The following STX3 variants were observed in gnomAD, a reference collection of about 807,000 sequenced individuals.
The protein encoded by STX3 is syntaxin 3, also known as syntaxin-3.
A neutral mutation model predicts 40.2 loss-of-function variants in STX3; 19 were observed. That is an observed-to-expected ratio of 0.47 (90% confidence interval 0.33 to 0.69). The LOEUF (loss-of-function observed/expected upper bound fraction) is 0.69, where lower values mean the gene tolerates loss of function less well. Ranked by LOEUF, STX3 falls within the 30% of genes least tolerant of loss-of-function variation. The probability of loss-of-function intolerance (pLI) is 0.02; values close to 1 mark genes in which losing one functional copy is unlikely to be tolerated. For synonymous variants in STX3, 122 were observed against 132.2 expected (o/e 0.92, Z 0.53); for missense variants, 364 against 366.7 (o/e 0.99, Z 0.06).
chr11:59,792,082 G>A, intron 5 of STX3, 25 bp from the exon 6 acceptor site: 1 of 1,591,502 alleles, frequency 6.3e-7, no homozygotes, highest in African/African-American at 1.3e-5. Flanking sequence ...ACTGGGGCCT[G>A]ACTGCATTTT....
In STX3 at chr11:59,755,552, TGGGACGCGCTCACC is replaced by T. The variant is rs1862659915; in HGVS notation, c.-53_-40del. On this transcript the variant is annotated 5_prime_UTR_variant, in exon 1 of 11. Transcript: ENST00000337979. ...GCAGCTCACCTGGGAAGCGCTCACC[TGGGACGCGCTCACC>T]TGGGACGCGCTACCTGCCTCCGGGC... 4 of 1,578,174 alleles carry T rather than the reference TGGGACGCGCTCACC, an allele frequency of 2.5e-6. No individual in the cohort carries two copies. Among genetic ancestry groups the T allele is most frequent in the Non-Finnish European group, 3.4e-6 (4 of 1,168,364 alleles).
intron 3 of STX3, among the ~76,000 whole-genome samples, chr11:59,788,169 C>T (rs921095385): frequency 1.3e-5 from 2 of 152,214 alleles, no homozygotes; most frequent in African/African-American, 4.8e-5. Context: ...CTCAGTCCTG[C>T]TCATCTCCAT....
chr11:59,791,531 A>T (rs1270819183), intron 5 of STX3, among the ~76,000 whole-genome samples: 1 of 152,138 alleles, frequency 6.6e-6, no homozygotes, highest in Non-Finnish European at 1.5e-5. Context: ...CTAAATTTGT[A>T]TGGTGGTAGT....
Position 59,755,548 on chromosome 11 carries a change from C to T in STX3, c.-58C>T, listed in dbSNP as rs1421032923. ...TCCGGCAGCTCACCTGGGAAGCGCT[C>T]ACCTGGGACGCGCTCACCTGGGACG... On this transcript the variant is annotated 5_prime_UTR_variant, in exon 1 of 11. Coordinates refer to ENST00000337979, the MANE Select transcript of STX3 (RefSeq NM_004177.5). The T allele has an allele frequency of 2.5e-6, 4 of 1,571,868 alleles. No individual in the cohort carries two copies. Among genetic ancestry groups the T allele is most frequent in the Non-Finnish European group, 3.4e-6 (4 of 1,165,444 alleles).
rs1296830290 is a variant in STX3 at position 59,787,113 on chromosome 11, T to C, written c.191T>C (p.Leu64Pro). 1 of 1,614,192 alleles carries C rather than the reference T, an allele frequency of 6.2e-7. No homozygotes were observed. The highest frequency in any genetic ancestry group is 8.5e-7 in the Non-Finnish European group (1 of 1,180,016). The change falls in exon 3 of 11, where the codon CTC (leucine) becomes CCC (proline). Residue 64 changes from leucine to proline, a missense_variant. By Grantham distance (98) the Leu-to-Pro change is moderately conservative. Coordinates refer to ENST00000337979, the MANE Select transcript of STX3 (RefSeq NM_004177.5). Reference protein sequence around the residue: ...EEAKKLYSIILSAPIPEPKTK... With the variant: ...EEAKKLYSIIPSAPIPEPKTK... ...GCTAAGAAACTCTACAGTATCATTC[T>C]CTCTGCACCGATTCCAGAGCCAAGT...
chr11:59,802,326 A>G lies in STX3; in HGVS notation c.*1502A>G. On this transcript the variant is annotated 3_prime_UTR_variant, in exon 11 of 11. Coordinates refer to ENST00000337979, the MANE Select transcript of STX3 (RefSeq NM_004177.5). Reference sequence around the variant, plus strand: ...CTTAGATCCCCTGCTGGTCTCTGGCAGTCTCCTTGATTTTGGGTACCATGT... The same window carrying G: ...CTTAGATCCCCTGCTGGTCTCTGGCGGTCTCCTTGATTTTGGGTACCATGT... 1.0e-6 allele frequency: 1 copy of G among 985,498 alleles called. No individual in the cohort carries two copies. The highest frequency in any genetic ancestry group is 1.2e-6 in the Non-Finnish European group (1 of 829,972). 61.0% of individuals were successfully genotyped at this position (985,498 alleles called of 1,614,324 possible).
chr11:59,754,586 A>G (rs1862614764), upstream of STX3: 1 of 152,452 alleles, frequency 6.6e-6, no homozygotes. Context: ...AACCACCTGC[A>G]CACCAAGCAG....
intron 1 of STX3, among the ~76,000 whole-genome samples, chr11:59,769,263 TGGAGGA>T (rs113337250): frequency 0.1 from 15,659 of 151,520 alleles, 1,111 homozygotes; most frequent in African/African-American, 0.2. Flanking sequence ...GAACTTCCTG[TGGAGGA>T]GGAGGAGGAG....
intron 1 of STX3, among the ~76,000 whole-genome samples, chr11:59,766,512 C>T (rs980669527): frequency 2.0e-5 from 3 of 152,158 alleles, no homozygotes; most frequent in African/African-American, 7.2e-5. Context: ...CCCATTGGCT[C>T]CCCACTCCCT....
At chr11:59,759,192 C>T (rs889229628) in intron 1 of STX3, among the ~76,000 whole-genome samples, 1 of 152,122 alleles carries the variant, frequency 6.6e-6, no homozygotes, top group African/African-American at 2.4e-5. Context: ...TCCTCTCAAC[C>T]CTGCAAAGCA....
intron 1 of STX3, among the ~76,000 whole-genome samples, chr11:59,770,756 A>G (rs1260342741): frequency 1.3e-5 from 2 of 152,228 alleles, no homozygotes; most frequent in African/African-American, 2.4e-5. Flanking sequence ...GGAATAAATT[A>G]ATTAATGACA....
At chr11:59,793,222 G>A in intron 7 of STX3, 50 bp downstream of exon 7, 2 of 1,609,516 alleles carry the variant, frequency 1.2e-6, no homozygotes, top group African/African-American at 1.3e-5. Context: ...GAGCAGGGAG[G>A]CCACTGCGGA....
Position 59,786,889 on chromosome 11 carries a change from C to G in STX3, c.115-148C>G. The G allele has an allele frequency of 9.4e-6, 6 of 641,222 alleles. No individual in the cohort carries two copies. In the South Asian group the frequency reaches 1.2e-4, roughly 12 times the overall value. The allele number at this position is 641,222 out of a possible 1,614,324, so 39.7% of individuals were successfully genotyped here. On this transcript the variant is annotated intron_variant, in intron 2 of 10. Transcript: ENST00000337979. ...TATCTGACCATGGAAAGGGTACTCACTGGGCAGCTGAGGACTTTAAGTCAT... is the reference window on the plus strand; with the variant it reads ...TATCTGACCATGGAAAGGGTACTCAGTGGGCAGCTGAGGACTTTAAGTCAT...
At position 59,787,066 on chromosome 11, in the gene STX3, G is replaced by C. The variant is rs1864825563; in HGVS notation, c.144G>C (p.Lys48Asn). ...AGGAAACTCGGCTTAACATTGACAA[G>C]ATCTCAGAACATGTAGAGGAGGCTA... ...EIEETRLNID[K>N]ISEHVEEAKK... is the part of the protein sequence containing the mutation. Residue 48 changes from lysine (K) to asparagine (N), a missense_variant, in exon 3 of 11, where the codon AAG becomes AAC. Physicochemically the swap from Lys to Asn is moderately conservative, Grantham distance 94. Coordinates refer to ENST00000337979, the MANE Select transcript of STX3 (RefSeq NM_004177.5). 1.2e-6 allele frequency: 2 copies of C among 1,614,168 alleles called. No individual in the cohort carries two copies. The highest frequency in any genetic ancestry group is 1.7e-6 in the Non-Finnish European group (2 of 1,180,012).
intron 2 of STX3, among the ~76,000 whole-genome samples, chr11:59,786,486 A>C (rs190310743): frequency 2.7e-4 from 40 of 149,214 alleles, no homozygotes; most frequent in African/African-American, 8.9e-4. Flanking sequence ...TCCTGACCTC[A>C]TGATCCATCT....
chr11:59,766,322 ACT>A (rs113633388), intron 1 of STX3, among the ~76,000 whole-genome samples: 15,793 of 151,968 alleles, frequency 0.1, 1,141 homozygotes, highest in African/African-American at 0.2. Context: ...GGAGGGACAA[ACT>A]CTTTTTAGAA....
At position 59,800,666 on chromosome 11, in the gene STX3, C is replaced by T. The variant is rs989024046; in HGVS notation, c.*31-189C>T. ...CCTAGAGGCTTTTCTATTTTTTTCC[C>T]CTCTCACAGTAGGGCTTTTTGTTCT... is the stretch of plus-strand genomic sequence containing the variant. On this transcript the variant is annotated intron_variant, in intron 10 of 10. Coordinates refer to ENST00000337979, the MANE Select transcript of STX3 (RefSeq NM_004177.5). The T allele has an allele frequency of 3.6e-5, 35 of 985,354 alleles. No individual in the cohort carries two copies. In the African/African-American group the frequency reaches 5.9e-4, roughly 17 times the overall value. 61.0% of individuals were successfully genotyped at this position (985,354 alleles called of 1,614,324 possible).
chr11:59,801,024 C>A lies in STX3; in HGVS notation c.*200C>A. 6.7e-7 allele frequency: 1 copy of A among 1,501,694 alleles called. No homozygotes were observed. The highest frequency in any genetic ancestry group is 8.9e-7 in the Non-Finnish European group (1 of 1,128,284). The allele number at this position is 1,501,694 out of a possible 1,614,324, so 93.0% of individuals were successfully genotyped here. On this transcript the variant is annotated 3_prime_UTR_variant, in exon 11 of 11. Coordinates refer to ENST00000337979, the MANE Select transcript of STX3 (RefSeq NM_004177.5). ...CTGGGGGAATGTGATCTACCTGATG[C>A]GACCCTGAGTTCTCCCCAGAGCCTC...
Position 59,792,048 on chromosome 11 carries a change from G to A in STX3, c.358-59G>A. On this transcript the variant is annotated intron_variant, in intron 5 of 10. Coordinates refer to ENST00000337979, the MANE Select transcript of STX3 (RefSeq NM_004177.5). ...TAGATGGCTATGTGGGGGTGGGGAG[G>A]GGTTCTATAACAGTTACAGAACCAC... is the stretch of plus-strand genomic sequence containing the variant. 8 of 1,320,360 alleles carry A rather than the reference G, an allele frequency of 6.1e-6. No individual in the cohort carries two copies. In the South Asian group the frequency reaches 7.4e-5, roughly 12 times the overall value. 81.8% of individuals were successfully genotyped at this position (1,320,360 alleles called of 1,614,324 possible).
Sources: gnomAD v4.1 joint callset for allele counts (sites outside exome capture counted in the v4.1 genomes callset) on GRCh38, gnomAD v4.1.1 for gene constraint, MANE v1.5 for transcripts, NCBI Gene and HGNC (gene_info 2026-07-23, HGNC 2026-07-21) for gene names.